The following CLNK variants were observed in gnomAD, a reference collection of about 807,000 sequenced individuals.
CLNK encodes the protein cytokine-dependent hematopoietic cell linker.
In CLNK, 74 loss-of-function variants were observed where a neutral mutation model predicts 68.6. That is an observed-to-expected ratio of 1.08 (90% CI 0.89 to 1.31). CLNK has a LOEUF of 1.31. CLNK is among the 50% of genes most tolerant of loss of function. CLNK has a pLI of 0.00. For missense variants in CLNK, 553 were observed against 515.3 expected, an observed-to-expected ratio of 1.07 and a Z score of -0.71; for synonymous variants, 198 against 172.2, an observed-to-expected ratio of 1.15 and a Z score of -1.17.
the CLNK span, among the ~76,000 whole-genome samples, chr4:10,718,400 GA>G: frequency 6.6e-6 from 1 of 151,992 alleles, no homozygotes; most frequent in Non-Finnish European, 1.5e-5. Context: ...CAGCAAGAGA[GA>G]AACAATATCA....
intron 18 of CLNK, among the ~76,000 whole-genome samples, chr4:10,491,364 T>C (rs552645150): frequency 3.9e-5 from 4 of 102,294 alleles, no homozygotes; most frequent in East Asian, 2.5e-4. Context: ...ATATAGAAGA[T>C]GTAGGCTCGA....
chr4:10,534,315 C>A (rs1004791944), intron 11 of CLNK, among the ~76,000 whole-genome samples: 2 of 152,114 alleles, frequency 1.3e-5, no homozygotes, highest in African/African-American at 4.8e-5. Flanking sequence ...ACATGTGTGT[C>A]CAAGTTCTGT....
chr4:10,555,731 T>A (rs1383327645), intron 8 of CLNK, among the ~76,000 whole-genome samples: 2 of 152,204 alleles, frequency 1.3e-5, no homozygotes, highest in African/African-American at 2.4e-5. Flanking sequence ...TTCTATGATA[T>A]TTTTGTGAGA....
At chr4:10,540,860 A>G (rs1718984520) in intron 10 of CLNK, among the ~76,000 whole-genome samples, 1 of 152,162 alleles carries the variant, frequency 6.6e-6, no homozygotes, top group South Asian at 2.1e-4. Flanking sequence ...GGAGAAAATG[A>G]TAACAGCCTT....
At chr4:10,697,935 C>T in the CLNK span, among the ~76,000 whole-genome samples, 1 of 152,330 alleles carries the variant, frequency 6.6e-6, no homozygotes, top group Admixed American at 6.5e-5. Context: ...TCTTCATCCT[C>T]TCCATCATCA....
At chr4:10,494,241 C>A (rs888851185) in intron 18 of CLNK, among the ~76,000 whole-genome samples, 2 of 152,148 alleles carry the variant, frequency 1.3e-5, no homozygotes, top group African/African-American at 4.8e-5. Context: ...TTGGTTAAAT[C>A]CACATCACAA....
chr4:10,509,526 C>CTTTT (rs34708664), intron 16 of CLNK, among the ~76,000 whole-genome samples: 1 of 142,290 alleles, frequency 7.0e-6, no homozygotes, highest in Admixed American at 7.0e-5. Context: ...AAAGTCACCT[C>CTTTT]TTTTTTTTTT....
At chr4:10,575,587 A>G (rs191605799) in intron 4 of CLNK, among the ~76,000 whole-genome samples, 1 of 152,296 alleles carries the variant, frequency 6.6e-6, no homozygotes, top group East Asian at 1.9e-4. Flanking sequence ...TGGCGTACAT[A>G]TCTCTCCTTC....
At chr4:10,572,366 G>A (rs1720386726) in intron 4 of CLNK, among the ~76,000 whole-genome samples, 1 of 152,166 alleles carries the variant, frequency 6.6e-6, no homozygotes, top group Non-Finnish European at 1.5e-5. Flanking sequence ...CCTTTTCTCA[G>A]CACTCAACAC....
At chr4:10,720,834 A>G in the CLNK span, among the ~76,000 whole-genome samples, 1 of 151,532 alleles carries the variant, frequency 6.6e-6, no homozygotes, top group Non-Finnish European at 1.5e-5. Context: ...ACTCCTGGGC[A>G]TTTATCCCAG....
At chr4:10,557,388 G>T (rs1340469067) in intron 8 of CLNK, among the ~76,000 whole-genome samples, 2 of 152,176 alleles carry the variant, frequency 1.3e-5, no homozygotes, top group Non-Finnish European at 2.9e-5. Flanking sequence ...GGAGGTCACA[G>T]GGAGGTTGGA....
At chr4:10,544,289 T>C (rs1719142586) in intron 8 of CLNK, among the ~76,000 whole-genome samples, 1 of 152,236 alleles carries the variant, frequency 6.6e-6, no homozygotes, top group African/African-American at 2.4e-5. Context: ...ATAGGACATC[T>C]ATCTTCTTTT....
At chr4:10,585,525 C>A (rs1362617232) in intron 3 of CLNK, among the ~76,000 whole-genome samples, 1 of 152,248 alleles carries the variant, frequency 6.6e-6, no homozygotes, top group Non-Finnish European at 1.5e-5. Flanking sequence ...TGTCCATAAA[C>A]CTTCTTTCAC....
chr4:10,598,816 T>C, intron 2 of CLNK: 1 of 299,144 alleles, frequency 3.3e-6, no homozygotes, highest in Non-Finnish European at 6.8e-6. Context: ...ATTTTTTTCC[T>C]CCACAAATGC....
At chr4:10,657,739 G>A (rs973669895) in intron 2 of CLNK, among the ~76,000 whole-genome samples, 6 of 152,088 alleles carry the variant, frequency 3.9e-5, no homozygotes, top group African/African-American at 1.2e-4. Flanking sequence ...GAATCCAGAC[G>A]GCCAACACAG....
At chr4:10,671,451 C>G (rs958760890) in intron 1 of CLNK, among the ~76,000 whole-genome samples, 4 of 152,030 alleles carry the variant, frequency 2.6e-5, no homozygotes, top group African/African-American at 4.8e-5. Context: ...GAGTTAGCCA[C>G]AAAGTGTCAT....
chr4:10,703,255 A>G, the CLNK span, among the ~76,000 whole-genome samples: 3 of 152,156 alleles, frequency 2.0e-5, no homozygotes, highest in Non-Finnish European at 4.4e-5. Flanking sequence ...ACTAAAGAAC[A>G]CTAACTACAG....
intron 2 of CLNK, among the ~76,000 whole-genome samples, chr4:10,616,790 G>GTGTATATATATATATATA (rs1369047138): frequency 3.1e-5 from 2 of 64,360 alleles, no homozygotes; most frequent in African/African-American, 8.4e-5. Flanking sequence ...GTGTGTGTGT[G>GTGTATATATATATATATA]TATATATATA....
At chr4:10,509,062 G>A (rs933848257) in intron 16 of CLNK, among the ~76,000 whole-genome samples, 5 of 145,038 alleles carry the variant, frequency 3.4e-5, no homozygotes, top group African/African-American at 1.0e-4. Flanking sequence ...AGCCGAGATC[G>A]TGCCACTGCA....
Sources: allele counts gnomAD v4.1 joint callset (sites outside exome capture counted in the v4.1 genomes callset), GRCh38; gene constraint gnomAD v4.1.1; transcripts MANE v1.5; gene names NCBI Gene and HGNC (gene_info 2026-07-23, HGNC 2026-07-21).